Variants in ARMH3 observed in about 807,000 individuals in gnomAD.
ARMH3 encodes armadillo like helical domain containing 3.
Under a neutral mutation model 99.1 loss-of-function variants are expected in ARMH3, and 60 were observed. The observed-to-expected ratio is 0.61, with a 90% CI of 0.49 to 0.75. The LOEUF is 0.75. Ranked by LOEUF, ARMH3 falls within the 30% of genes least tolerant of loss-of-function variation. ARMH3 has a pLI of 0.00. For missense variants in ARMH3, 679 were observed against 843.1 expected, an observed-to-expected ratio of 0.81 and a Z score of 2.41; for synonymous variants, 285 against 292.8, an observed-to-expected ratio of 0.97 and a Z score of 0.27.
intron 23 of ARMH3, among the ~76,000 whole-genome samples, chr10:101,936,750 C>T (rs747768959): frequency 6.6e-6 from 1 of 152,100 alleles, no homozygotes; most frequent in Non-Finnish European, 1.5e-5. Context: ...AAAGTAGAAG[C>T]AACTCAAGTG....
chr10:101,846,833 TC>T lies in ARMH3; in HGVS notation c.*694del, dbSNP rs2066476660. On this transcript the variant is annotated 3_prime_UTR_variant, in exon 26 of 26. Transcript: ENST00000370033. ...AAAATTAGCCGGGCGTGGCACACGCTCCTGTAGTCCCAGCTACTCGGGAGGC... is the reference window on the plus strand; with the variant it reads ...AAAATTAGCCGGGCGTGGCACACGCTCTGTAGTCCCAGCTACTCGGGAGGC... 1 of 152,400 alleles carries T rather than the reference TC, an allele frequency of 6.6e-6. No individual in the cohort carries two copies. Among genetic ancestry groups the T allele is most frequent in the Non-Finnish European group, 1.5e-5 (1 of 68,260 alleles). The allele number at this position is 152,400 out of a possible 1,614,324, so 9.4% of individuals were successfully genotyped here. A position where few individuals can be genotyped will look rare whatever the true frequency, so the allele number is the denominator to read the frequency against.
At position 101,847,480 on chromosome 10, in the gene ARMH3, G is replaced by A. The variant is rs1304050773; in HGVS notation, c.*48C>T. The A allele has an allele frequency of 6.3e-7, 1 of 1,578,166 alleles. No individual in the cohort carries two copies. The highest frequency in any genetic ancestry group is 1.7e-5 in the Admixed American group (1 of 59,944). On this transcript the variant is annotated 3_prime_UTR_variant, in exon 26 of 26. Coordinates refer to ENST00000370033, the MANE Select transcript of ARMH3 (RefSeq NM_024541.3). ...TCCCCTCGCTCCCCCTCCAGCCCAT[G>A]ATCCTCATGGGTAAGGGCAGTCAGA...
intron 20 of ARMH3, among the ~76,000 whole-genome samples, chr10:101,958,570 C>A (rs1203669041): frequency 6.6e-6 from 1 of 152,134 alleles, no homozygotes; most frequent in African/African-American, 2.4e-5. Flanking sequence ...TGCCCCTGTA[C>A]CTACCTCCCC....
chr10:101,902,981 G>C (rs1358694874), intron 23 of ARMH3, among the ~76,000 whole-genome samples: 3 of 152,156 alleles, frequency 2.0e-5, no homozygotes, highest in Non-Finnish European at 4.4e-5. Context: ...CTCCACAGGA[G>C]GCTGGTATAA....
chr10:101,975,385 G>C, intron 19 of ARMH3, 85 bp from the exon 20 acceptor site: 3 of 1,036,502 alleles, frequency 2.9e-6, no homozygotes, highest in East Asian at 2.5e-5. Flanking sequence ...AGCCAGCTTT[G>C]CTAAGGCCAC....
Position 101,867,725 on chromosome 10 carries a change from G to A in ARMH3, c.1861-17833C>T, listed in dbSNP as rs987212815. Among the ~76,000 whole-genome samples, 6 of 151,976 alleles carry A rather than the reference G, an allele frequency of 3.9e-5. No individual in the cohort carries two copies. In the South Asian group the frequency reaches 6.2e-4, roughly 16 times the overall value. ...TGCATGCCTGTGGTCCCAGCTACTC[G>A]GGAGGCTGAGGTGGGAGGATCACTT... On this transcript the variant is annotated intron_variant, in intron 24 of 25. Coordinates refer to ENST00000370033, the MANE Select transcript of ARMH3 (RefSeq NM_024541.3).
intron 24 of ARMH3, among the ~76,000 whole-genome samples, chr10:101,867,868 G>T (rs2135349440): frequency 6.6e-6 from 1 of 151,780 alleles, no homozygotes; most frequent in South Asian, 2.1e-4. Context: ...GCTGGGGGTG[G>T]TGTCTAATGG....
At chr10:101,862,192 T>C (rs995184524) in intron 24 of ARMH3, among the ~76,000 whole-genome samples, 1 of 151,976 alleles carries the variant, frequency 6.6e-6, no homozygotes, top group Admixed American at 6.6e-5. Context: ...TTAAAATGTA[T>C]GACAACAATA....
intron 11 of ARMH3, among the ~76,000 whole-genome samples, chr10:102,010,804 A>G (rs2066614271): frequency 6.6e-6 from 1 of 152,210 alleles, no homozygotes. Context: ...ATCAAACACC[A>G]GTACAAAACT....
rs535071457 is a variant in ARMH3 at position 102,050,121 on chromosome 10, C to T, written c.-12+5964G>A. On this transcript the variant is annotated intron_variant, in intron 1 of 25. Coordinates refer to ENST00000370033, the MANE Select transcript of ARMH3 (RefSeq NM_024541.3). ...TCGCGCCACTGTACTCCAGCCTGGG[C>T]GATAGAGCCAGACTCAGTCTCAAAA... Among the ~76,000 whole-genome samples the T allele has an allele frequency of 4.0e-5, 6 of 151,550 alleles. No homozygotes were observed. In the South Asian group the frequency reaches 6.3e-4, roughly 16 times the overall value.
intron 8 of ARMH3, among the ~76,000 whole-genome samples, chr10:102,022,722 A>T (rs1205311866): frequency 6.7e-6 from 1 of 148,414 alleles, no homozygotes; most frequent in Admixed American, 6.7e-5. Context: ...CTGGGACCAC[A>T]GGCGCACACT....
At chr10:102,010,997 T>C (rs765331656) in intron 11 of ARMH3, among the ~76,000 whole-genome samples, 1 of 152,120 alleles carries the variant, frequency 6.6e-6, no homozygotes, top group Non-Finnish European at 1.5e-5. Flanking sequence ...AACCAAAAAA[T>C]TGTCTTGCCC....
chr10:101,905,540 G>A (rs2068082067), intron 23 of ARMH3, among the ~76,000 whole-genome samples: 1 of 152,180 alleles, frequency 6.6e-6, no homozygotes, highest in South Asian at 2.1e-4. Flanking sequence ...AGCATAAACA[G>A]AATTTTGGTA....
chr10:101,947,329 T>C (rs1365742274), intron 22 of ARMH3, among the ~76,000 whole-genome samples: 2 of 151,770 alleles, frequency 1.3e-5, no homozygotes, highest in African/African-American at 4.8e-5. Flanking sequence ...AAGATAAAAA[T>C]TACCAACTAA....
intron 23 of ARMH3, among the ~76,000 whole-genome samples, chr10:101,932,830 T>G (rs1843777525): frequency 6.6e-6 from 1 of 152,074 alleles, no homozygotes; most frequent in South Asian, 2.1e-4. Context: ...GCCCTGGAGA[T>G]GGATGTTGGT....
intron 20 of ARMH3, among the ~76,000 whole-genome samples, chr10:101,967,038 T>C (rs752198311): frequency 6.6e-6 from 1 of 152,194 alleles, no homozygotes; most frequent in Non-Finnish European, 1.5e-5. Context: ...AGCTGTCTAT[T>C]TGAGCAGCTT....
chr10:101,970,897 T>C (rs1845738812), intron 20 of ARMH3, among the ~76,000 whole-genome samples: 1 of 151,742 alleles, frequency 6.6e-6, no homozygotes, highest in Non-Finnish European at 1.5e-5. Flanking sequence ...AGGAACTTTT[T>C]TGAGAGGAAA....
intron 16 of ARMH3, among the ~76,000 whole-genome samples, chr10:101,993,852 G>C (rs528036775): frequency 8.5e-4 from 130 of 152,316 alleles, no homozygotes; most frequent in Non-Finnish European, 1.6e-3. Context: ...TTAAGACGCA[G>C]GGACTTAAGG....
At chr10:102,024,755 G>A (rs1042868993) in intron 6 of ARMH3, among the ~76,000 whole-genome samples, 1 of 151,318 alleles carries the variant, frequency 6.6e-6, no homozygotes. Context: ...GGAGGCAGAC[G>A]TTGAAGTGAG....
Sources: allele counts gnomAD v4.1 joint callset (sites outside exome capture counted in the v4.1 genomes callset), GRCh38; gene constraint gnomAD v4.1.1; transcripts MANE v1.5; gene names NCBI Gene and HGNC (gene_info 2026-07-23, HGNC 2026-07-21).